Variants in SCAPER observed in about 807,000 individuals in gnomAD.
SCAPER encodes the protein S phase cyclin A-associated protein in the endoplasmic reticulum.
A neutral mutation model predicts 182.2 loss-of-function variants in SCAPER; 98 were observed. That is an observed-to-expected ratio of 0.54 (90% CI 0.46 to 0.64). The LOEUF (loss-of-function observed/expected upper bound fraction) is 0.64. SCAPER is among the 30% of genes least tolerant of loss of function. SCAPER has a pLI of 0.00. For synonymous variants in SCAPER, 605 were observed against 564.6 expected (o/e 1.07, Z -1.01); for missense variants, 1,432 against 1,690.0 (o/e 0.85, Z 2.68).
intron 1 of SCAPER, among the ~76,000 whole-genome samples, chr15:76,899,746 G>C (rs2074654203): frequency 6.6e-6 from 1 of 151,928 alleles, no homozygotes; most frequent in Non-Finnish European, 1.5e-5. Context: ...CCCATCGTCT[G>C]GGATGTGAGG....
At chr15:76,631,329 A>C (rs1426694822) in intron 21 of SCAPER, among the ~76,000 whole-genome samples, 2 of 152,184 alleles carry the variant, frequency 1.3e-5, no homozygotes, top group Non-Finnish European at 2.9e-5. Context: ...TGATCCTGTC[A>C]TCACAATGCT....
chr15:76,626,058 G>C (rs957967069), intron 21 of SCAPER, among the ~76,000 whole-genome samples: 1 of 152,034 alleles, frequency 6.6e-6, no homozygotes, highest in Non-Finnish European at 1.5e-5. Flanking sequence ...GTGTTGGGCC[G>C]CATTCAAAGC....
At chr15:76,431,842 T>C (rs1948041212) in intron 26 of SCAPER, among the ~76,000 whole-genome samples, 1 of 152,108 alleles carries the variant, frequency 6.6e-6, no homozygotes, top group Non-Finnish European at 1.5e-5. Context: ...AAGACTGGCA[T>C]GGTATTTTTT....
At chr15:76,894,498 G>A (rs1169285049) in intron 1 of SCAPER, among the ~76,000 whole-genome samples, 2 of 151,632 alleles carry the variant, frequency 1.3e-5, no homozygotes, top group South Asian at 2.1e-4. Flanking sequence ...ACACCTCAAA[G>A]AACTAAAAAA....
At chr15:76,650,419 A>T (rs139469871) in intron 21 of SCAPER, among the ~76,000 whole-genome samples, 1 of 152,014 alleles carries the variant, frequency 6.6e-6, no homozygotes, top group Non-Finnish European at 1.5e-5. Context: ...TTAGAAGAAG[A>T]TATGAAGAAG....
At chr15:76,743,188 T>C (rs2061635623) in intron 15 of SCAPER, among the ~76,000 whole-genome samples, 1 of 152,120 alleles carries the variant, frequency 6.6e-6, no homozygotes, top group Admixed American at 6.5e-5. Context: ...CGGTCGTCAC[T>C]ATGATAATAA....
intron 24 of SCAPER, among the ~76,000 whole-genome samples, chr15:76,480,673 A>T (rs913962409): frequency 2.6e-5 from 4 of 152,228 alleles, no homozygotes; most frequent in African/African-American, 7.2e-5. Context: ...TGTTTAAAAC[A>T]TACAAGAATG....
intron 23 of SCAPER, among the ~76,000 whole-genome samples, chr15:76,572,998 G>A (rs1029107857): frequency 6.6e-6 from 1 of 150,498 alleles, no homozygotes; most frequent in Admixed American, 6.6e-5. Flanking sequence ...CACAATGAAG[G>A]ACTTACTCTA....
chr15:76,483,986 C>T (rs1217647582), intron 24 of SCAPER, among the ~76,000 whole-genome samples: 1 of 152,070 alleles, frequency 6.6e-6, no homozygotes, highest in Admixed American at 6.6e-5. Context: ...AATCACATTC[C>T]TACACATTTA....
At chr15:76,743,877 C>T (rs564925326) in intron 15 of SCAPER, among the ~76,000 whole-genome samples, 17 of 152,112 alleles carry the variant, frequency 1.1e-4, no homozygotes, top group Admixed American at 2.6e-4. Context: ...TCACATTACC[C>T]GACTTCCAAC....
At chr15:76,527,540 G>T (rs2043300180) in intron 23 of SCAPER, among the ~76,000 whole-genome samples, 1 of 152,200 alleles carries the variant, frequency 6.6e-6, no homozygotes, top group Non-Finnish European at 1.5e-5. Context: ...TAGGCTTAAA[G>T]CTTCCTATTA....
At chr15:76,485,532 A>G (rs895092027) in intron 24 of SCAPER, among the ~76,000 whole-genome samples, 12 of 152,184 alleles carry the variant, frequency 7.9e-5, no homozygotes, top group Non-Finnish European at 1.8e-4. Context: ...TACAAAAAAC[A>G]ATTTTAAAAT....
chr15:76,841,276 A>G (rs2069450803), intron 5 of SCAPER, among the ~76,000 whole-genome samples: 1 of 152,208 alleles, frequency 6.6e-6, no homozygotes, highest in Non-Finnish European at 1.5e-5. Context: ...TGTATGGATC[A>G]AAAGAACAAT....
chr15:76,483,295 C>CAAAAAAAAAAAAAA (rs61261703), intron 24 of SCAPER, among the ~76,000 whole-genome samples: 1 of 133,026 alleles, frequency 7.5e-6, no homozygotes, highest in Non-Finnish European at 1.6e-5. Context: ...TATTCACATG[C>CAAAAAAAAAAAAAA]AAAAAAAAAA....
chr15:76,711,544 G>A (rs2059565134), intron 17 of SCAPER, among the ~76,000 whole-genome samples: 1 of 152,200 alleles, frequency 6.6e-6, no homozygotes, highest in Non-Finnish European at 1.5e-5. Flanking sequence ...CAAGGGTTGT[G>A]AAGGAACTGA....
intron 2 of SCAPER, among the ~76,000 whole-genome samples, chr15:76,873,565 A>G (rs1357014401): frequency 2.6e-5 from 4 of 152,200 alleles, no homozygotes; most frequent in Non-Finnish European, 2.9e-5. Context: ...TGTACAAGTA[A>G]AATTGAAATA....
At chr15:76,767,116 A>G (rs2063162599) in intron 10 of SCAPER, 28 bp from the exon 11 acceptor site, 6 of 1,526,100 alleles carry the variant, frequency 3.9e-6, no homozygotes, top group Non-Finnish European at 5.3e-6. Context: ...CATAAACAAA[A>G]AGAAAAATGA....
intron 26 of SCAPER, among the ~76,000 whole-genome samples, chr15:76,412,556 C>T (rs751609022): frequency 2.3e-4 from 35 of 151,856 alleles, no homozygotes; most frequent in African/African-American, 6.8e-4. Context: ...ATAATTGGAC[C>T]GTATTTGTGT....
chr15:76,739,810 C>T (rs1039911968), intron 15 of SCAPER, among the ~76,000 whole-genome samples: 3 of 152,148 alleles, frequency 2.0e-5, no homozygotes, highest in Non-Finnish European at 4.4e-5. Flanking sequence ...ACAAAAGTAA[C>T]ACTATCACAG....
Sources: gnomAD v4.1 joint callset for allele counts (sites outside exome capture counted in the v4.1 genomes callset) on GRCh38, gnomAD v4.1.1 for gene constraint, MANE v1.5 for transcripts, NCBI Gene and HGNC (gene_info 2026-07-23, HGNC 2026-07-21) for gene names.